Variants in GPR39 observed in about 807,000 individuals in gnomAD.
The protein encoded by GPR39 is zinc sensing receptor.
Under a neutral mutation model 18.4 loss-of-function variants are expected in GPR39, and 23 were observed. The ratio of observed to expected loss-of-function variants is 1.25; its 90% CI spans 0.90 to 1.77. GPR39 has a LOEUF of 1.77. Ranked by LOEUF, GPR39 falls within the 40% of genes most tolerant of loss-of-function variation. GPR39 has a pLI of 0.00. For synonymous variants in GPR39, 280 were observed against 257.9 expected (o/e 1.09, Z -0.82); for missense variants, 647 against 602.4 (o/e 1.07, Z -0.78).
rs1682088442 is a variant in GPR39, at chr2:132,646,483, A to T, written c.*877A>T. On this transcript the variant is annotated 3_prime_UTR_variant, in exon 2 of 2. Coordinates refer to ENST00000329321, the MANE Select transcript of GPR39 (RefSeq NM_001508.3). ...GACAGGCACTATTTCATTAGTTTTAACAAAACTGTTCCAAAAGCGATTTGA... is the reference window on the plus strand; with the variant it reads ...GACAGGCACTATTTCATTAGTTTTATCAAAACTGTTCCAAAAGCGATTTGA... 1 of 402,946 alleles carries T rather than the reference A, an allele frequency of 2.5e-6. No homozygotes were observed. The highest frequency in any genetic ancestry group is 2.1e-5 in the African/African-American group (1 of 48,688). 25.0% of individuals were successfully genotyped at this position (402,946 alleles called of 1,614,324 possible). A position where few individuals can be genotyped will look rare whatever the true frequency, so the allele number is the denominator to read the frequency against.
At chr2:132,537,596 C>T (rs2104782227) in intron 1 of GPR39, among the ~76,000 whole-genome samples, 1 of 150,926 alleles carries the variant, frequency 6.6e-6, no homozygotes, top group South Asian at 2.1e-4. Context: ...GCCTGTCTTG[C>T]TAGCTTGGGG....
At chr2:132,628,850 G>A (rs1218726213) in intron 1 of GPR39, among the ~76,000 whole-genome samples, 1 of 151,848 alleles carries the variant, frequency 6.6e-6, no homozygotes, top group Non-Finnish European at 1.5e-5. Flanking sequence ...ATGAGATTCA[G>A]TTTTTTCCAT....
intron 1 of GPR39, among the ~76,000 whole-genome samples, chr2:132,625,800 C>A (rs1363622586): frequency 6.6e-6 from 1 of 152,104 alleles, no homozygotes; most frequent in African/African-American, 2.4e-5. Flanking sequence ...TTAGTCCAAC[C>A]CCCCAATTTT....
At chr2:132,474,873 C>G (rs1681097774) in intron 1 of GPR39, among the ~76,000 whole-genome samples, 1 of 152,172 alleles carries the variant, frequency 6.6e-6, no homozygotes, top group Admixed American at 6.5e-5. Context: ...CTTGTGCCCC[C>G]TTGATCAGTA....
At chr2:132,444,583 G>A (rs1470139787) in intron 1 of GPR39, among the ~76,000 whole-genome samples, 1 of 152,098 alleles carries the variant, frequency 6.6e-6, no homozygotes, top group Non-Finnish European at 1.5e-5. Flanking sequence ...CTACCACACC[G>A]GCTATGAGAT....
chr2:132,552,370 C>T (rs906775523), intron 1 of GPR39, among the ~76,000 whole-genome samples: 1 of 151,994 alleles, frequency 6.6e-6, no homozygotes, highest in Non-Finnish European at 1.5e-5. Flanking sequence ...CAGCACCACC[C>T]CAACTCTCTT....
At chr2:132,608,466 C>A (rs1681179990) in intron 1 of GPR39, among the ~76,000 whole-genome samples, 1 of 152,192 alleles carries the variant, frequency 6.6e-6, no homozygotes, top group South Asian at 2.1e-4. Flanking sequence ...GGTCTCAGTC[C>A]CACTGTTTCC....
At chr2:132,483,145 G>A (rs1031993619) in intron 1 of GPR39, among the ~76,000 whole-genome samples, 1 of 152,192 alleles carries the variant, frequency 6.6e-6, no homozygotes, top group Non-Finnish European at 1.5e-5. Context: ...CCACCATATA[G>A]GGTTGTAATG....
At chr2:132,509,172 G>A (rs1277369514) in intron 1 of GPR39, among the ~76,000 whole-genome samples, 1 of 152,176 alleles carries the variant, frequency 6.6e-6, no homozygotes, top group Non-Finnish European at 1.5e-5. Context: ...TAGCCTGACA[G>A]ATCAGTATGC....
At chr2:132,491,233 G>T (rs190384505) in intron 1 of GPR39, among the ~76,000 whole-genome samples, 1 of 152,236 alleles carries the variant, frequency 6.6e-6, no homozygotes, top group East Asian at 1.9e-4. Context: ...GGATTGAACT[G>T]ATCATTCACA....
intron 1 of GPR39, among the ~76,000 whole-genome samples, chr2:132,519,875 C>T (rs1004723631): frequency 6.6e-6 from 1 of 152,156 alleles, no homozygotes; most frequent in African/African-American, 2.4e-5. Flanking sequence ...GCCCTGTCCT[C>T]CTCAAGTTCA....
chr2:132,493,180 CACCATATATAT>C (rs1372131212), intron 1 of GPR39, among the ~76,000 whole-genome samples: 1 of 140,870 alleles, frequency 7.1e-6, no homozygotes, highest in East Asian at 2.1e-4. Flanking sequence ...ACCATATATA[CACCATATATAT>C]ACACCATATA....
At chr2:132,532,942 G>C in intron 1 of GPR39, among the ~76,000 whole-genome samples, 1 of 152,210 alleles carries the variant, frequency 6.6e-6, no homozygotes, top group Admixed American at 6.5e-5. Context: ...GCACAAGACA[G>C]GGATGCCCTC....
chr2:132,569,641 G>C (rs985008299), intron 1 of GPR39, among the ~76,000 whole-genome samples: 6 of 151,634 alleles, frequency 4.0e-5, no homozygotes, highest in African/African-American at 1.2e-4. Context: ...GGGTGGGGGG[G>C]GTCCCATCGT....
chr2:132,612,357 A>G (rs1450442690), intron 1 of GPR39, among the ~76,000 whole-genome samples: 1 of 150,584 alleles, frequency 6.6e-6, no homozygotes, highest in Non-Finnish European at 1.5e-5. Context: ...TGAAAGGTGC[A>G]TTTTACATTT....
At position 132,641,321 on chromosome 2, in the gene GPR39, C is replaced by A. The variant is rs546223089; in HGVS notation, c.857-3780C>A. Among the ~76,000 whole-genome samples the A allele has an allele frequency of 2.6e-5, 4 of 152,298 alleles. No homozygotes were observed. In the South Asian group the frequency reaches 8.3e-4, roughly 32 times the overall value. ...AGAATGCATACTCAGAGATTTAATT[C>A]AGCATTGGTTGCATTGTAGTGTAAC... On this transcript the variant is annotated intron_variant, in intron 1 of 1. Transcript: ENST00000329321.
intron 1 of GPR39, among the ~76,000 whole-genome samples, chr2:132,541,206 C>A (rs182983515): frequency 6.6e-6 from 1 of 152,266 alleles, no homozygotes; most frequent in Non-Finnish European, 1.5e-5. Flanking sequence ...AACTCAGCCT[C>A]CCCAGTAGCC....
chr2:132,473,611 A>G (rs775837598), intron 1 of GPR39, among the ~76,000 whole-genome samples: 1 of 152,188 alleles, frequency 6.6e-6, no homozygotes, highest in Non-Finnish European at 1.5e-5. Flanking sequence ...ACCAGAGTCC[A>G]TGCTAATCTG....
intron 1 of GPR39, among the ~76,000 whole-genome samples, chr2:132,628,226 G>T (rs1164092917): frequency 2.6e-5 from 4 of 152,162 alleles, no homozygotes; most frequent in Admixed American, 2.0e-4. Context: ...TCTGGAACTT[G>T]CCCCACTGGT....
Sources: gnomAD v4.1 joint callset for allele counts (sites outside exome capture counted in the v4.1 genomes callset) on GRCh38, gnomAD v4.1.1 for gene constraint, MANE v1.5 for transcripts, NCBI Gene and HGNC (gene_info 2026-07-23, HGNC 2026-07-21) for gene names.